TMEM132C: variants seen among roughly 807,000 people sequenced by gnomAD.
TMEM132C encodes the protein protein phosphatase 1, regulatory subunit 152.
Under a neutral mutation model 61.4 loss-of-function variants are expected in TMEM132C, and 29 were observed. The observed-to-expected ratio is 0.47, with a 90% confidence interval of 0.35 to 0.64. The LOEUF is 0.64. Among genes scored for constraint, TMEM132C ranks in the 30% least tolerant of loss-of-function variants. The pLI, the probability that TMEM132C is intolerant of heterozygous loss-of-function variation, is 0.00. For missense variants in TMEM132C, 1,408 were observed against 1,476.9 expected, an observed-to-expected ratio of 0.95 and a Z score of 0.76; for synonymous variants, 656 against 633.1, an observed-to-expected ratio of 1.04 and a Z score of -0.54.
At chr12:128,547,969 C>T (rs1029316397) in intron 3 of TMEM132C, among the ~76,000 whole-genome samples, 2 of 152,136 alleles carry the variant, frequency 1.3e-5, no homozygotes, top group African/African-American at 4.8e-5. Context: ...CCCACATGAC[C>T]GCTCACCCCT....
At chr12:128,601,617 C>G (rs1485375674) in intron 3 of TMEM132C, among the ~76,000 whole-genome samples, 1 of 148,714 alleles carries the variant, frequency 6.7e-6, no homozygotes, top group East Asian at 1.9e-4. Context: ...CCAAGATGGG[C>G]GAGCCCTGGG....
intron 4 of TMEM132C, among the ~76,000 whole-genome samples, chr12:128,623,421 T>TTATATA (rs199503150): frequency 2.0e-5 from 3 of 148,962 alleles, no homozygotes; most frequent in African/African-American, 7.4e-5. Flanking sequence ...AAGTATAATT[T>TTATATA]TATATATATA....
At chr12:128,690,342 G>A (rs1312889651) in intron 5 of TMEM132C, among the ~76,000 whole-genome samples, 1 of 152,134 alleles carries the variant, frequency 6.6e-6, no homozygotes, top group Non-Finnish European at 1.5e-5. Context: ...GTAGATGAGT[G>A]GGCTCACTTT....
rs577194991 is a variant in TMEM132C at position 128,664,125 on chromosome 12, C to T, written c.1306-5292C>T. 1.2e-4 allele frequency among the ~76,000 whole-genome samples: 18 copies of T among 151,026 alleles called. No homozygotes were observed. The South Asian group carries it at 1.3e-3, about 11-fold the overall frequency. On this transcript the variant is annotated intron_variant, in intron 4 of 8. Transcript: ENST00000435159. ...ACACAGGCACACGCACCCGCACGCA[C>T]GCGGGCACTCACACAGGCACACACA...
At chr12:128,525,151 G>T (rs375067632) in intron 2 of TMEM132C, among the ~76,000 whole-genome samples, 1 of 152,212 alleles carries the variant, frequency 6.6e-6, no homozygotes, top group African/African-American at 2.4e-5. Flanking sequence ...CCTTCCTGGA[G>T]TCTCAGAGGA....
chr12:128,475,231 T>C (rs993574541), intron 2 of TMEM132C, among the ~76,000 whole-genome samples: 5 of 152,204 alleles, frequency 3.3e-5, no homozygotes, highest in Admixed American at 6.5e-5. Flanking sequence ...CTTAGGCATT[T>C]AGGACCTGCG....
chr12:128,535,783 G>A (rs983271049), intron 2 of TMEM132C, among the ~76,000 whole-genome samples: 3 of 151,986 alleles, frequency 2.0e-5, no homozygotes, highest in African/African-American at 4.8e-5. Flanking sequence ...CAGGAGAATG[G>A]CATGAACCCG....
intron 1 of TMEM132C, among the ~76,000 whole-genome samples, chr12:128,392,840 C>T (rs1874813018): frequency 6.6e-6 from 1 of 150,880 alleles, no homozygotes; most frequent in South Asian, 2.1e-4. Flanking sequence ...AAAATGTTTA[C>T]AAATTTGTCT....
chr12:128,383,472 G>A (rs1874480332), intron 1 of TMEM132C, among the ~76,000 whole-genome samples: 2 of 152,190 alleles, frequency 1.3e-5, no homozygotes, highest in Non-Finnish European at 2.9e-5. Flanking sequence ...CGTTTCCCAT[G>A]GTGCTCAGGC....
intron 5 of TMEM132C, among the ~76,000 whole-genome samples, chr12:128,680,621 C>T (rs1404544985): frequency 6.6e-6 from 1 of 152,206 alleles, no homozygotes; most frequent in Non-Finnish European, 1.5e-5. Flanking sequence ...ACATTTCCAT[C>T]ATCACAGAAA....
At chr12:128,408,130 C>T (rs894158402) in intron 1 of TMEM132C, among the ~76,000 whole-genome samples, 1 of 152,148 alleles carries the variant, frequency 6.6e-6, no homozygotes, top group Non-Finnish European at 1.5e-5. Context: ...TTCACTTCAT[C>T]CCTTCTCACT....
At chr12:128,577,165 T>C (rs1344428904) in intron 3 of TMEM132C, among the ~76,000 whole-genome samples, 2 of 152,234 alleles carry the variant, frequency 1.3e-5, no homozygotes, top group African/African-American at 4.8e-5. Flanking sequence ...TTTATGTACA[T>C]GGAATCATAA....
chr12:128,327,207 G>A (rs1872549492), intron 1 of TMEM132C, among the ~76,000 whole-genome samples: 1 of 150,006 alleles, frequency 6.7e-6, no homozygotes, highest in Admixed American at 6.6e-5. Context: ...AATATCAGTT[G>A]TGATGAAAAT....
At chr12:128,346,886 A>G (rs962434075) in intron 1 of TMEM132C, among the ~76,000 whole-genome samples, 9 of 152,290 alleles carry the variant, frequency 5.9e-5, no homozygotes, top group African/African-American at 1.9e-4. Context: ...GTCTTGATCA[A>G]TATGGCTTTG....
chr12:128,690,325 C>T (rs1377438280), intron 5 of TMEM132C, among the ~76,000 whole-genome samples: 1 of 152,282 alleles, frequency 6.6e-6, no homozygotes, highest in African/African-American at 2.4e-5. Context: ...GGTTTTGGTT[C>T]CTTTTTGTAG....
At chr12:128,604,742 A>T (rs571424079) in intron 3 of TMEM132C, among the ~76,000 whole-genome samples, 3 of 152,164 alleles carry the variant, frequency 2.0e-5, no homozygotes, top group Middle Eastern at 3.4e-3. Flanking sequence ...TAGATAATGG[A>T]TGGAGGGATA....
intron 4 of TMEM132C, among the ~76,000 whole-genome samples, chr12:128,620,615 G>A (rs955324119): frequency 9.9e-5 from 15 of 152,144 alleles, no homozygotes; most frequent in East Asian, 1.9e-4. Flanking sequence ...TAATTTTGGC[G>A]GTGTAGGAAG....
intron 2 of TMEM132C, among the ~76,000 whole-genome samples, chr12:128,466,244 A>C (rs1870732956): frequency 6.6e-6 from 1 of 152,282 alleles, no homozygotes; most frequent in South Asian, 2.1e-4. Context: ...CTGCAGACCC[A>C]GGGATCCAAG....
At chr12:128,337,453 A>T (rs1872819623) in intron 1 of TMEM132C, among the ~76,000 whole-genome samples, 1 of 152,156 alleles carries the variant, frequency 6.6e-6, no homozygotes, top group African/African-American at 2.4e-5. Context: ...TCCAAGGAGG[A>T]CTTGTGATCG....
Sources: gnomAD v4.1 joint callset for allele counts (sites outside exome capture counted in the v4.1 genomes callset) on GRCh38, gnomAD v4.1.1 for gene constraint, MANE v1.5 for transcripts, NCBI Gene and HGNC (gene_info 2026-07-23, HGNC 2026-07-21) for gene names.